SPOCK3: variants seen among roughly 807,000 people sequenced by gnomAD.
SPOCK3 encodes testican-3.
A neutral mutation model predicts 56.6 loss-of-function variants in SPOCK3; 30 were observed. That is an observed-to-expected ratio of 0.53 (90% CI 0.40 to 0.72). The LOEUF (loss-of-function observed/expected upper bound fraction) is 0.72. Among genes scored for constraint, SPOCK3 ranks in the 30% least tolerant of loss-of-function variants. The pLI is 0.00. For missense variants in SPOCK3, 527 were observed against 530.0 expected, an observed-to-expected ratio of 0.99 and a Z score of 0.06; for synonymous variants, 196 against 183.3, an observed-to-expected ratio of 1.07 and a Z score of -0.56.
chr4:167,000,904 G>T (rs1032177669), intron 3 of SPOCK3, among the ~76,000 whole-genome samples: 12 of 152,100 alleles, frequency 7.9e-5, no homozygotes, highest in Admixed American at 7.2e-4. Context: ...AATGTCAGTG[G>T]ACATTAATGG....
At chr4:167,230,563 GA>G (rs1737075073) in intron 2 of SPOCK3, among the ~76,000 whole-genome samples, 1 of 147,942 alleles carries the variant, frequency 6.8e-6, no homozygotes, top group East Asian at 2.0e-4. Context: ...TACCACTGTT[GA>G]GGGAGTTCTT....
chr4:167,109,332 TTAA>T (rs1338893967), intron 2 of SPOCK3, among the ~76,000 whole-genome samples: 5 of 88,248 alleles, frequency 5.7e-5, no homozygotes, highest in South Asian at 3.4e-4. Flanking sequence ...TTAATATATA[TTAA>T]TATTATATAA....
At position 167,131,358 on chromosome 4, in the gene SPOCK3, C is replaced by T. The variant is rs190238489; in HGVS notation, c.190-68821G>A. On this transcript the variant is annotated intron_variant, in intron 2 of 10. Transcript: ENST00000357545. The stretch of plus-strand genomic sequence containing the variant: ...ATCCCAGCATTTTGGGAGGCTGAGA[C>T]GGTGAATCAACTGAGATCAGGAGTT... 1.6e-3 allele frequency among the ~76,000 whole-genome samples: 241 copies of T among 152,126 alleles called. 1 individual carries two copies. Among genetic ancestry groups the T allele is most frequent in the Middle Eastern group, 3.4e-3 (1 of 294 alleles).
At chr4:166,901,111 G>A (rs1398410981) in intron 5 of SPOCK3, among the ~76,000 whole-genome samples, 1 of 152,086 alleles carries the variant, frequency 6.6e-6, no homozygotes, top group South Asian at 2.1e-4. Flanking sequence ...GATGGCACCA[G>A]CTCCTGAACC....
chr4:167,064,143 G>GT, intron 2 of SPOCK3, among the ~76,000 whole-genome samples: 1 of 151,690 alleles, frequency 6.6e-6, no homozygotes, highest in East Asian at 1.9e-4. Flanking sequence ...AGTTTCAGAA[G>GT]TTTTTTTAAT....
In SPOCK3 at chr4:167,197,971, T is replaced by C. The variant is rs72975570; in HGVS notation, c.189+36014A>G. On this transcript the variant is annotated intron_variant, in intron 2 of 10. Coordinates refer to ENST00000357545, the MANE Select transcript of SPOCK3 (RefSeq NM_001040159.2). ...CATTCTTGACAACAATTCCACTAAG[T>C]TGCTGATGTCGCTTGTCTCACTAAA... 8.2e-3 allele frequency among the ~76,000 whole-genome samples: 1,254 copies of C among 152,272 alleles called. 15 individuals carry two copies. Among genetic ancestry groups the C allele is most frequent in the African/African-American group, 0.028 (1,177 of 41,554 alleles).
intron 7 of SPOCK3, among the ~76,000 whole-genome samples, chr4:166,773,255 C>G (rs191790007): frequency 2.0e-5 from 3 of 151,900 alleles, no homozygotes; most frequent in Non-Finnish European, 4.4e-5. Flanking sequence ...AATATCATAC[C>G]GGAAAATAAA....
At chr4:167,111,596 C>T (rs528302822) in intron 2 of SPOCK3, among the ~76,000 whole-genome samples, 1 of 152,036 alleles carries the variant, frequency 6.6e-6, no homozygotes, top group East Asian at 1.9e-4. Flanking sequence ...TTAATTCATC[C>T]TAATGTGCGA....
Position 167,052,831 on chromosome 4 carries a change from A to G in SPOCK3, c.235+9661T>C, listed in dbSNP as rs1754365568. 2.0e-5 allele frequency among the ~76,000 whole-genome samples: 3 copies of G among 152,350 alleles called. No individual in the cohort carries two copies. In the Middle Eastern group the frequency reaches 0.01, roughly 518 times the overall value. ...GGCATCTGGGAGACAGCCAATATTGATATTGTCTAATCTACATAAACTATT... is the reference window on the plus strand; with the variant it reads ...GGCATCTGGGAGACAGCCAATATTGGTATTGTCTAATCTACATAAACTATT... On this transcript the variant is annotated intron_variant, in intron 3 of 10. Coordinates refer to ENST00000357545, the MANE Select transcript of SPOCK3 (RefSeq NM_001040159.2).
At chr4:167,025,219 TG>T (rs149041378) in intron 3 of SPOCK3, among the ~76,000 whole-genome samples, 2,518 of 143,512 alleles carry the variant, frequency 0.018, 73 homozygotes, top group African/African-American at 0.06. Flanking sequence ...GGCCACTGAA[TG>T]CTTTTTTTTT....
intron 5 of SPOCK3, among the ~76,000 whole-genome samples, chr4:166,905,092 A>T (rs1448747131): frequency 6.6e-6 from 1 of 151,768 alleles, no homozygotes; most frequent in Non-Finnish European, 1.5e-5. Flanking sequence ...AAGTCTTGTA[A>T]TTTTTTTTAA....
intron 4 of SPOCK3, among the ~76,000 whole-genome samples, chr4:166,944,754 A>G (rs1323359034): frequency 6.6e-6 from 1 of 152,104 alleles, no homozygotes; most frequent in Non-Finnish European, 1.5e-5. Context: ...TTTCAGAGTG[A>G]CAGTAACTTC....
intron 9 of SPOCK3, among the ~76,000 whole-genome samples, chr4:166,741,523 C>T (rs755143280): frequency 6.6e-6 from 1 of 152,100 alleles, no homozygotes; most frequent in Non-Finnish European, 1.5e-5. Context: ...TATCTATCTA[C>T]TTATACATTT....
intron 3 of SPOCK3, among the ~76,000 whole-genome samples, chr4:167,051,800 C>G (rs1175003574): frequency 6.6e-6 from 1 of 152,208 alleles, no homozygotes; most frequent in East Asian, 1.9e-4. Context: ...GGTTCCATTT[C>G]TAGATTGTGT....
rs1764836800 is a variant in SPOCK3 at position 167,156,582 on chromosome 4, T to G, written c.189+77403A>C. On this transcript the variant is annotated intron_variant, in intron 2 of 10. Coordinates refer to ENST00000357545, the MANE Select transcript of SPOCK3 (RefSeq NM_001040159.2). The stretch of plus-strand genomic sequence containing the variant: ...CTACAAGACATAAATGAGTTTTCTT[T>G]TAATTATAAAGGATGTGAAATACAG... Among the ~76,000 whole-genome samples, 4 of 152,282 alleles carry G rather than the reference T, an allele frequency of 2.6e-5. No individual in the cohort carries two copies. The South Asian group carries it at 6.2e-4, about 24-fold the overall frequency.
chr4:166,983,621 G>C (rs1746824487), intron 4 of SPOCK3, among the ~76,000 whole-genome samples: 1 of 152,090 alleles, frequency 6.6e-6, no homozygotes, highest in African/African-American at 2.4e-5. Flanking sequence ...AGCTAGAAGA[G>C]AGGATTTTGA....
At chr4:166,977,294 TAG>T (rs1746058893) in intron 4 of SPOCK3, among the ~76,000 whole-genome samples, 1 of 152,108 alleles carries the variant, frequency 6.6e-6, no homozygotes, top group Admixed American at 6.5e-5. Flanking sequence ...TCTTGTTTTG[TAG>T]AGTCAATTAA....
At chr4:167,071,438 T>A (rs1336117942) in intron 2 of SPOCK3, among the ~76,000 whole-genome samples, 1 of 151,378 alleles carries the variant, frequency 6.6e-6, no homozygotes, top group Non-Finnish European at 1.5e-5. Flanking sequence ...CCCCACCCTG[T>A]GTTCATGTGT....
In SPOCK3 at chr4:167,174,852, CAA is replaced by C. The variant is rs573104751; in HGVS notation, c.189+59131_189+59132del. The stretch of plus-strand genomic sequence containing the variant: ...ACACACATACACACAGGCATGCACA[CAA>C]ACTCTTCTCATGAGAAACTAATCTT... On this transcript the variant is annotated intron_variant, in intron 2 of 10. Transcript: ENST00000357545. 9.9e-4 allele frequency among the ~76,000 whole-genome samples: 151 copies of C among 152,284 alleles called. 1 individual carries two copies. The South Asian group carries it at 0.017, about 17-fold the overall frequency.
Sources: gnomAD v4.1 joint callset for allele counts (sites outside exome capture counted in the v4.1 genomes callset) on GRCh38, gnomAD v4.1.1 for gene constraint, MANE v1.5 for transcripts, NCBI Gene and HGNC (gene_info 2026-07-23, HGNC 2026-07-21) for gene names.